Variants in NHSL2 observed in about 807,000 individuals in gnomAD.
NHSL2 encodes NHS-like protein 2.
NHSL2 carries 27 observed loss-of-function variants against 53.4 expected under a neutral mutation model. The observed-to-expected ratio is 0.51, with a 90% CI of 0.37 to 0.70. The LOEUF is 0.70. NHSL2 is among the 30% of genes least tolerant of loss of function. The pLI is 0.00. For synonymous variants in NHSL2, 408 were observed against 404.1 expected (o/e 1.01, Z -0.12); for missense variants, 892 against 980.1 (o/e 0.91, Z 1.20).
intron 1 of NHSL2, among the ~76,000 whole-genome samples, chrX:72,028,697 T>G (rs964395062): frequency 2.7e-5 from 3 of 112,074 alleles, no homozygotes; most frequent in African/African-American, 9.8e-5. Context: ...GACAACACTC[T>G]CTCTTGAAAG....
intron 1 of NHSL2, among the ~76,000 whole-genome samples, chrX:72,057,228 C>T (rs1257786490): frequency 8.9e-6 from 1 of 112,264 alleles, no homozygotes; most frequent in African/African-American, 3.2e-5. Context: ...TTGTGCACAC[C>T]ATTATCTATC....
intron 1 of NHSL2, among the ~76,000 whole-genome samples, chrX:71,955,494 C>T (rs987341012): frequency 9.1e-6 from 1 of 110,188 alleles, no homozygotes. Flanking sequence ...TTGCCCAGCA[C>T]GAGAGTTATT....
rs1444692680 is a variant in NHSL2 at position 72,143,694 on chromosome X, C to T, written c.*120C>T. ...CCTACATTTCTTTTATATTAACTCA[C>T]ACTCTGGACAGCAGGAGAGAGGCTA... On this transcript the variant is annotated 3_prime_UTR_variant, in exon 8 of 8. Coordinates refer to ENST00000633930, the MANE Select transcript of NHSL2 (RefSeq NM_001013627.3). The T allele has an allele frequency of 1.3e-5, 6 of 464,988 alleles. No homozygotes were observed. The highest frequency in any genetic ancestry group is 2.2e-5 in the Non-Finnish European group (6 of 274,216). 38.3% of individuals were successfully genotyped at this position (464,988 alleles called of 1,213,427 possible). A position where few individuals can be genotyped will look rare whatever the true frequency, so the allele number is the denominator to read the frequency against.
rs2042452722 is a variant in NHSL2, at chrX:72,144,981, T to C, written c.*1407T>C. On this transcript the variant is annotated 3_prime_UTR_variant, in exon 8 of 8. Transcript: ENST00000633930. Reference sequence around the variant, plus strand: ...TCATTTGATTTTTGTATGCCTGATTTCTGGGAGGTTGGGGAGGAAGACAAA... The same window carrying C: ...TCATTTGATTTTTGTATGCCTGATTCCTGGGAGGTTGGGGAGGAAGACAAA... 1 of 112,682 alleles carries C rather than the reference T, an allele frequency of 8.9e-6. No individual in the cohort carries two copies. The highest frequency in any genetic ancestry group is 3.6e-4 in the South Asian group (1 of 2,751). The allele number at this position is 112,682 out of a possible 1,213,427, so 9.3% of individuals were successfully genotyped here. A position where few individuals can be genotyped will look rare whatever the true frequency, so the allele number is the denominator to read the frequency against.
At chrX:72,123,515 G>C (rs1349291838) in intron 1 of NHSL2, among the ~76,000 whole-genome samples, 1 of 111,485 alleles carries the variant, frequency 9.0e-6, no homozygotes, top group East Asian at 2.8e-4. Context: ...TCAGGTGAGA[G>C]AGGAGGAAGG....
chrX:72,114,378 G>A (rs1385435041), intron 1 of NHSL2, among the ~76,000 whole-genome samples: 1 of 111,740 alleles, frequency 8.9e-6, no homozygotes, highest in Non-Finnish European at 1.9e-5. Flanking sequence ...AGCCATGCCC[G>A]AGCCCACGAG....
intron 1 of NHSL2, among the ~76,000 whole-genome samples, chrX:72,103,038 G>A (rs1289945879): frequency 8.9e-6 from 1 of 112,161 alleles, no homozygotes; most frequent in African/African-American, 3.2e-5. Context: ...ATTCCTTCCC[G>A]GGGGACAGAG....
At chrX:72,108,362 A>C (rs911609494) in intron 1 of NHSL2, among the ~76,000 whole-genome samples, 4 of 112,696 alleles carry the variant, frequency 3.5e-5, no homozygotes, top group Non-Finnish European at 5.6e-5. Flanking sequence ...GCCAGGCTGA[A>C]GTGTTGCCTT....
intron 1 of NHSL2, among the ~76,000 whole-genome samples, chrX:72,122,023 C>T (rs1479832909): frequency 8.9e-6 from 1 of 112,069 alleles, no homozygotes; most frequent in Non-Finnish European, 1.9e-5. Context: ...TGATTTAGCG[C>T]ATTATGAAAG....
intron 7 of NHSL2, 67 bp from the exon 8 acceptor site, chrX:72,143,186 G>T (rs1488616699): frequency 6.5e-6 from 5 of 768,831 alleles, no homozygotes; most frequent in Non-Finnish European, 9.3e-6. Flanking sequence ...ACAGGCATGG[G>T]GGTCTGTGAA....
At chrX:72,101,623 G>A (rs1738180068) in intron 1 of NHSL2, among the ~76,000 whole-genome samples, 1 of 110,440 alleles carries the variant, frequency 9.1e-6, no homozygotes, top group Admixed American at 9.6e-5. Flanking sequence ...GGAGCCGAGG[G>A]TTCAGAGCAG....
chrX:72,062,087 A>C (rs1463570283), intron 1 of NHSL2, among the ~76,000 whole-genome samples: 1 of 112,688 alleles, frequency 8.9e-6, no homozygotes, highest in Admixed American at 9.4e-5. Context: ...TAATAGGCTC[A>C]ATAAAATCTA....
chrX:72,052,056 T>C (rs973649881), intron 1 of NHSL2, among the ~76,000 whole-genome samples: 1 of 112,407 alleles, frequency 8.9e-6, no homozygotes, highest in African/African-American at 3.2e-5. Context: ...ACTCTTTTGC[T>C]TGGAAAGTAA....
chrX:72,042,409 G>A (rs1257351943), intron 1 of NHSL2, among the ~76,000 whole-genome samples: 1 of 111,778 alleles, frequency 8.9e-6, no homozygotes, highest in African/African-American at 3.3e-5. Flanking sequence ...ACCCCCATTG[G>A]GGTCTAGGAT....
intron 1 of NHSL2, among the ~76,000 whole-genome samples, chrX:71,930,559 C>A (rs1169547461): frequency 8.9e-6 from 1 of 112,403 alleles, no homozygotes; most frequent in Non-Finnish European, 1.9e-5. Context: ...CATCTTCCCA[C>A]CAGTCCCTGG....
In NHSL2 at chrX:72,139,527, G is replaced by T; in HGVS notation, c.1979G>T (p.Gly660Val). 8.3e-7 allele frequency: 1 copy of T among 1,211,202 alleles called. No individual in the cohort carries two copies. The highest frequency in any genetic ancestry group is 1.1e-6 in the Non-Finnish European group (1 of 895,121). The change falls in exon 6 of 8, where the codon GGC (glycine) becomes GTC (valine). Residue 660 changes from glycine (G) to valine (V), a missense_variant. Coordinates refer to ENST00000633930, the MANE Select transcript of NHSL2 (RefSeq NM_001013627.3). ...QSLSSSSTAT[G>V]TTVIECTQVQ... Reference sequence around the variant, plus strand: ...CTGTCCAGCTCCAGCACTGCCACTGGCACCACAGTCATTGAGTGCACCCAA... The same window carrying T: ...CTGTCCAGCTCCAGCACTGCCACTGTCACCACAGTCATTGAGTGCACCCAA...
At chrX:71,973,951 G>A (rs2041937234) in intron 1 of NHSL2, among the ~76,000 whole-genome samples, 1 of 111,656 alleles carries the variant, frequency 9.0e-6, no homozygotes, top group African/African-American at 3.3e-5. Flanking sequence ...CCAGAACAGC[G>A]CTTCTGTAAC....
At chrX:72,130,974 G>A (rs2042288153) in intron 1 of NHSL2, 1 of 1,211,302 alleles carries the variant, frequency 8.3e-7, no homozygotes, top group Non-Finnish European at 1.1e-6. Context: ...AGATCAGAAA[G>A]GCCACCCGCT....
intron 6 of NHSL2, 111 bp from the exon 7 acceptor site, chrX:72,142,120 AC>A (rs1377506688): frequency 3.7e-6 from 2 of 541,096 alleles, no homozygotes; most frequent in African/African-American, 4.7e-5. Context: ...AAAAATCTCC[AC>A]CCTGCTGCCC....
Sources: allele counts gnomAD v4.1 joint callset (sites outside exome capture counted in the v4.1 genomes callset), GRCh38; gene constraint gnomAD v4.1.1; transcripts MANE v1.5; gene names NCBI Gene and HGNC (gene_info 2026-07-23, HGNC 2026-07-21).